The following GPM6B variants were observed in gnomAD, a reference collection of about 807,000 sequenced individuals.
GPM6B encodes glycoprotein M6B, also known as neuronal membrane glycoprotein M6-b.
In GPM6B, 4 loss-of-function variants were observed where a neutral mutation model predicts 27.2. That is an observed-to-expected ratio of 0.15 (90% confidence interval 0.07 to 0.34). The LOEUF is 0.34. GPM6B is among the 10% of genes least tolerant of loss of function. The pLI is 1.00. For synonymous variants in GPM6B, 124 were observed against 103.1 expected (o/e 1.20, Z -1.23); for missense variants, 183 against 261.9 (o/e 0.70, Z 2.08).
rs184965531 is a variant in GPM6B at position 13,833,739 on chromosome X, A to G, written c.-197-47931T>C. Among the ~76,000 whole-genome samples the G allele has an allele frequency of 8.1e-5, 9 of 111,421 alleles. No individual in the cohort carries two copies. The East Asian group carries it at 2.5e-3, about 31-fold the overall frequency. Reference sequence around the variant, plus strand: ...GAGACCCTATTAAAAAACAAAAACAAAACTGTGTTCATCTGTGCTTTCAAT... The same window carrying G: ...GAGACCCTATTAAAAAACAAAAACAGAACTGTGTTCATCTGTGCTTTCAAT... On this transcript the variant is annotated intron_variant, in intron 1 of 6. Transcript: ENST00000398361.
chrX:13,800,046 T>C (rs1176586439), intron 2 of GPM6B, among the ~76,000 whole-genome samples: 1 of 111,789 alleles, frequency 8.9e-6, no homozygotes. Flanking sequence ...CTTCCCTGAT[T>C]AGGTTTCAAA....
chrX:13,782,324 G>A (rs2048531045), intron 4 of GPM6B, among the ~76,000 whole-genome samples: 1 of 111,450 alleles, frequency 9.0e-6, no homozygotes. Context: ...AGTGCCACTA[G>A]CTCAAGTACA....
chrX:13,800,183 G>GA (rs2048895415), intron 2 of GPM6B, among the ~76,000 whole-genome samples: 3 of 111,477 alleles, frequency 2.7e-5, no homozygotes, highest in Admixed American at 9.5e-5. Context: ...CCCACACATG[G>GA]AAAAAAATCA....
At chrX:13,930,563 G>A (rs1472919995) in intron 1 of GPM6B, among the ~76,000 whole-genome samples, 6 of 110,202 alleles carry the variant, frequency 5.4e-5, no homozygotes, top group Non-Finnish European at 7.6e-5. Context: ...GCAGTAAGCC[G>A]AGATCGTGCC....
chrX:13,887,971 C>T (rs1210185423), intron 1 of GPM6B, among the ~76,000 whole-genome samples: 3 of 111,566 alleles, frequency 2.7e-5, no homozygotes, highest in Non-Finnish European at 5.6e-5. Flanking sequence ...ATGACCCACC[C>T]AGCTTAAAAA....
upstream of GPM6B, chrX:13,817,411 G>A (rs974288113): frequency 1.1e-5 from 8 of 718,708 alleles, no homozygotes; most frequent in African/African-American, 4.7e-5. Flanking sequence ...ATCAGAGGAG[G>A]GGATGTGAAG....
At chrX:13,778,963 A>G (rs1302064516) in intron 5 of GPM6B, among the ~76,000 whole-genome samples, 3 of 111,952 alleles carry the variant, frequency 2.7e-5, no homozygotes, top group Non-Finnish European at 5.6e-5. Context: ...AAAATGAAAT[A>G]GTCATCTCTC....
chrX:13,913,910 C>A (rs111374365), intron 1 of GPM6B, among the ~76,000 whole-genome samples: 2 of 110,704 alleles, frequency 1.8e-5, no homozygotes, highest in African/African-American at 6.6e-5. Context: ...TGCCAACATG[C>A]CTGGCTAATT....
Position 13,879,850 on chromosome X carries a change from A to G in GPM6B, c.-198+58477T>C, listed in dbSNP as rs759501569. On this transcript the variant is annotated intron_variant, in intron 1 of 6. Transcript: ENST00000398361. The stretch of plus-strand genomic sequence containing the variant: ...AGTTCAGTATGTCTCCTGGGGTGGG[A>G]CCTGAGGATTTGCATTTCTAGCAAG... 4.6e-3 allele frequency among the ~76,000 whole-genome samples: 519 copies of G among 111,705 alleles called. 4 individuals carry two copies. The highest frequency in any genetic ancestry group is 0.016 in the African/African-American group (488 of 30,754).
chrX:13,801,012 G>A (rs769509280), intron 2 of GPM6B, among the ~76,000 whole-genome samples: 3 of 105,695 alleles, frequency 2.8e-5, no homozygotes, highest in Admixed American at 1.0e-4. Context: ...TAGCGATTCC[G>A]ATTCAGGGCA....
intron 2 of GPM6B, among the ~76,000 whole-genome samples, chrX:13,804,812 A>G (rs201603114): frequency 3.0e-4 from 15 of 49,582 alleles, no homozygotes; most frequent in African/African-American, 2.9e-4. Context: ...AAAAAAAAAA[A>G]GAAAAAAAAA....
chrX:13,910,319 G>A (rs1050900171), intron 1 of GPM6B, among the ~76,000 whole-genome samples: 9 of 112,607 alleles, frequency 8.0e-5, no homozygotes, highest in African/African-American at 2.9e-4. Context: ...CTCTGTGAGT[G>A]GGGCCAGGCA....
At chrX:13,921,358 T>C (rs1920970469) in intron 1 of GPM6B, among the ~76,000 whole-genome samples, 1 of 112,075 alleles carries the variant, frequency 8.9e-6, no homozygotes, top group Non-Finnish European at 1.9e-5. Flanking sequence ...AGGTTTGCAA[T>C]GATGGTCTTA....
chrX:13,886,464 T>A (rs1355974581), intron 1 of GPM6B, among the ~76,000 whole-genome samples: 1 of 109,763 alleles, frequency 9.1e-6, no homozygotes, highest in African/African-American at 3.3e-5. Context: ...TATTTATAAG[T>A]TCCCAGCACT....
At chrX:13,798,190 T>C (rs1316739830) in intron 2 of GPM6B, among the ~76,000 whole-genome samples, 3 of 110,717 alleles carry the variant, frequency 2.7e-5, no homozygotes, top group Non-Finnish European at 5.7e-5. Context: ...ACACTAGTAA[T>C]TTAAAAAGGT....
chrX:13,805,415 C>A (rs148890626), intron 2 of GPM6B, among the ~76,000 whole-genome samples: 2 of 112,338 alleles, frequency 1.8e-5, no homozygotes, highest in East Asian at 5.5e-4. Context: ...GTCTTGGGCT[C>A]TCCAGAAAGA....
At chrX:13,916,506 A>C (rs142346387) in intron 1 of GPM6B, among the ~76,000 whole-genome samples, 2,501 of 111,427 alleles carry the variant, frequency 0.022, 73 homozygotes, top group East Asian at 0.19. Context: ...AGTCACGTAT[A>C]AAGACTCTCA....
intron 1 of GPM6B, among the ~76,000 whole-genome samples, chrX:13,843,603 T>G (rs1352420483): frequency 8.9e-6 from 1 of 112,443 alleles, no homozygotes; most frequent in Non-Finnish European, 1.9e-5. Flanking sequence ...CTCACCAACA[T>G]GTATTTACTG....
intron 2 of GPM6B, among the ~76,000 whole-genome samples, chrX:13,795,727 G>T: frequency 9.9e-6 from 1 of 101,250 alleles, no homozygotes; most frequent in Admixed American, 1.1e-4. Context: ...AAACTTCTCA[G>T]TTCTAATTTC....
Sources: gnomAD v4.1 joint callset for allele counts (sites outside exome capture counted in the v4.1 genomes callset) on GRCh38, gnomAD v4.1.1 for gene constraint, MANE v1.5 for transcripts, NCBI Gene and HGNC (gene_info 2026-07-23, HGNC 2026-07-21) for gene names.